The following SPOCK3 variants were observed in gnomAD, a reference collection of about 807,000 sequenced individuals.
SPOCK3 encodes SPARC (osteonectin), cwcv and kazal like domains proteoglycan 3, also known as testican-3.
Under a neutral mutation model 56.6 loss-of-function variants are expected in SPOCK3, and 30 were observed. The ratio of observed to expected loss-of-function variants is 0.53; its 90% CI spans 0.40 to 0.72. SPOCK3 has a LOEUF of 0.72. Ranked by LOEUF, SPOCK3 falls within the 30% of genes least tolerant of loss-of-function variation. The pLI is 0.00. For synonymous variants in SPOCK3, 196 were observed against 183.3 expected (o/e 1.07, Z -0.56); for missense variants, 527 against 530.0 (o/e 0.99, Z 0.06).
chr4:167,223,824 A>C, intron 2 of SPOCK3, among the ~76,000 whole-genome samples: 1 of 152,056 alleles, frequency 6.6e-6, no homozygotes, highest in Non-Finnish European at 1.5e-5. Context: ...TACTCCTTGC[A>C]TGTGATATGC....
intron 6 of SPOCK3, among the ~76,000 whole-genome samples, chr4:166,834,600 G>T (rs1198618919): frequency 2.0e-5 from 3 of 152,038 alleles, no homozygotes; most frequent in Admixed American, 2.0e-4. Flanking sequence ...CATTTTCTTT[G>T]GTATCTTTTA....
chr4:166,859,650 A>C (rs553325502), intron 6 of SPOCK3, among the ~76,000 whole-genome samples: 3 of 152,218 alleles, frequency 2.0e-5, no homozygotes, highest in East Asian at 3.9e-4. Flanking sequence ...GACTGGAATA[A>C]AATTATTATT....
At chr4:167,154,527 G>A (rs898638428) in intron 2 of SPOCK3, among the ~76,000 whole-genome samples, 3 of 152,152 alleles carry the variant, frequency 2.0e-5, no homozygotes, top group African/African-American at 7.2e-5. Context: ...TTCCTATGCA[G>A]CTGTCATAGA....
intron 2 of SPOCK3, among the ~76,000 whole-genome samples, chr4:167,087,384 C>T (rs1361195413): frequency 6.6e-6 from 1 of 152,146 alleles, no homozygotes; most frequent in Admixed American, 6.5e-5. Context: ...GTCATCACTA[C>T]TCTCTTGAAA....
chr4:166,999,195 T>C lies in SPOCK3; in HGVS notation c.350+1154A>G, dbSNP rs77599667. 2.9e-4 allele frequency among the ~76,000 whole-genome samples: 44 copies of C among 152,298 alleles called. No homozygotes were observed. In the East Asian group the frequency reaches 8.3e-3, roughly 29 times the overall value. ...CTCTGTTCCACGAGTACATTATTGATATACCATGATTCTAACCCAAGTGAA... is the reference window on the plus strand; with the variant it reads ...CTCTGTTCCACGAGTACATTATTGACATACCATGATTCTAACCCAAGTGAA... On this transcript the variant is annotated intron_variant, in intron 4 of 10. Transcript: ENST00000357545.
chr4:166,812,961 C>T (rs1221007208), intron 6 of SPOCK3, among the ~76,000 whole-genome samples: 2 of 151,782 alleles, frequency 1.3e-5, no homozygotes, highest in African/African-American at 2.4e-5. Context: ...CTTTTATTTC[C>T]TCTCTCTTTA....
At chr4:166,967,177 A>C (rs13126235) in intron 4 of SPOCK3, among the ~76,000 whole-genome samples, 13,075 of 152,204 alleles carry the variant, frequency 0.086, 616 homozygotes, top group Middle Eastern at 0.12. Flanking sequence ...CCTGAATTCT[A>C]AGCTTGGAAA....
chr4:167,208,002 T>G (rs1235633902), intron 2 of SPOCK3, among the ~76,000 whole-genome samples: 2 of 152,166 alleles, frequency 1.3e-5, no homozygotes, highest in Non-Finnish European at 2.9e-5. Context: ...CCTTCTGAGC[T>G]TCTCAGGTAC....
At chr4:166,845,783 G>A in intron 6 of SPOCK3, among the ~76,000 whole-genome samples, 1 of 152,122 alleles carries the variant, frequency 6.6e-6, no homozygotes, top group East Asian at 1.9e-4. Context: ...ACTTTAAGAT[G>A]CAATAAAATT....
At chr4:167,099,529 GAC>G (rs1759452047) in intron 2 of SPOCK3, among the ~76,000 whole-genome samples, 1 of 151,922 alleles carries the variant, frequency 6.6e-6, no homozygotes, top group African/African-American at 2.4e-5. Flanking sequence ...AAGCATATTT[GAC>G]ACACAAATTT....
chr4:166,835,481 G>A (rs894053970), intron 6 of SPOCK3, among the ~76,000 whole-genome samples: 1 of 152,058 alleles, frequency 6.6e-6, no homozygotes, highest in Non-Finnish European at 1.5e-5. Flanking sequence ...GGCTGAAAGG[G>A]AATAGCTAAT....
At chr4:167,112,316 T>C (rs1390242792) in intron 2 of SPOCK3, among the ~76,000 whole-genome samples, 1 of 152,136 alleles carries the variant, frequency 6.6e-6, no homozygotes, top group African/African-American at 2.4e-5. Flanking sequence ...TTCTAAAATG[T>C]TACAAGTATG....
intron 6 of SPOCK3, among the ~76,000 whole-genome samples, chr4:166,802,677 G>T (rs1484944232): frequency 2.0e-5 from 3 of 152,088 alleles, no homozygotes; most frequent in East Asian, 3.9e-4. Flanking sequence ...GTAAGAATTT[G>T]AAGGGGTCAC....
chr4:166,797,002 G>A (rs1377092074), intron 6 of SPOCK3, among the ~76,000 whole-genome samples: 1 of 152,094 alleles, frequency 6.6e-6, no homozygotes, highest in East Asian at 1.9e-4. Context: ...CTAGGGCCAC[G>A]ATGTCCTAGA....
At position 166,998,542 on chromosome 4, in the gene SPOCK3, C is replaced by T. The variant is rs535794847; in HGVS notation, c.350+1807G>A. Among the ~76,000 whole-genome samples, 3 of 152,212 alleles carry T rather than the reference C, an allele frequency of 2.0e-5. No individual in the cohort carries two copies. In the East Asian group the frequency reaches 5.8e-4, roughly 29 times the overall value. On this transcript the variant is annotated intron_variant, in intron 4 of 10. Transcript: ENST00000357545. ...GAATTGAAGCTCTGAAAATTTCTAGCTTTGTAGTCTTGAGGCAGTTACTTT... is the reference window on the plus strand; with the variant it reads ...GAATTGAAGCTCTGAAAATTTCTAGTTTTGTAGTCTTGAGGCAGTTACTTT...
chr4:166,975,625 C>T (rs924392654), intron 4 of SPOCK3, among the ~76,000 whole-genome samples: 10 of 151,942 alleles, frequency 6.6e-5, no homozygotes, highest in Non-Finnish European at 1.0e-4. Flanking sequence ...ATTTTTTGTA[C>T]CCATTAACCA....
At chr4:166,921,141 G>A (rs1164847055) in intron 4 of SPOCK3, among the ~76,000 whole-genome samples, 1 of 152,144 alleles carries the variant, frequency 6.6e-6, no homozygotes, top group African/African-American at 2.4e-5. Context: ...CCTCCACTCT[G>A]CATTAGCTCT....
At position 166,787,828 on chromosome 4, in the gene SPOCK3, T is replaced by C. The variant is rs143446106; in HGVS notation, c.709+4342A>G. 1.4e-4 allele frequency among the ~76,000 whole-genome samples: 21 copies of C among 152,270 alleles called. No homozygotes were observed. In the East Asian group the frequency reaches 3.9e-3, roughly 28 times the overall value. ...TATTTGGATATATTTTTCCTAAATA[T>C]ATATAGGTATACTGATGCAATTGTT... On this transcript the variant is annotated intron_variant, in intron 7 of 10. Coordinates refer to ENST00000357545, the MANE Select transcript of SPOCK3 (RefSeq NM_001040159.2).
At chr4:166,955,625 A>C (rs982067875) in intron 4 of SPOCK3, among the ~76,000 whole-genome samples, 6 of 146,220 alleles carry the variant, frequency 4.1e-5, no homozygotes, top group Non-Finnish European at 9.0e-5. Flanking sequence ...AATTTAATAT[A>C]ATTTAATTAT....
Sources: gnomAD v4.1 joint callset for allele counts (sites outside exome capture counted in the v4.1 genomes callset) on GRCh38, gnomAD v4.1.1 for gene constraint, MANE v1.5 for transcripts, NCBI Gene and HGNC (gene_info 2026-07-23, HGNC 2026-07-21) for gene names.